The following UBAP1L variants were observed in gnomAD, a reference collection of about 807,000 sequenced individuals.
The protein encoded by UBAP1L is ubiquitin-associated protein 1-like.
A neutral mutation model predicts 32.1 loss-of-function variants in UBAP1L; 32 were observed. That is an observed-to-expected ratio of 1.00 (90% CI 0.75 to 1.34). The LOEUF (loss-of-function observed/expected upper bound fraction) is 1.34. Among genes scored for constraint, UBAP1L ranks in the 40% most tolerant of loss-of-function variants. The pLI is 0.00. For synonymous variants in UBAP1L, 243 were observed against 250.2 expected, an observed-to-expected ratio of 0.97 and a Z score of 0.27; for missense variants, 516 against 540.5, an observed-to-expected ratio of 0.95 and a Z score of 0.45.
chr15:65,106,305 G>T lies in UBAP1L; in HGVS notation c.-90C>A, dbSNP rs1413766650. On this transcript the variant is annotated 5_prime_UTR_variant, in exon 2 of 6. Transcript: ENST00000559089. The stretch of plus-strand genomic sequence containing the variant: ...GTCGAGTCCTGAGGACCAGGCTCAG[G>T]CCTCAAATGGCCTCACTGCTCTCCT... The T allele has an allele frequency of 3.8e-6, 5 of 1,328,846 alleles. No individual in the cohort carries two copies. In the African/African-American group the frequency reaches 7.2e-5, roughly 19 times the overall value. The allele number at this position is 1,328,846 out of a possible 1,614,324, so 82.3% of individuals were successfully genotyped here. A position where few individuals can be genotyped will look rare whatever the true frequency, so the allele number is the denominator to read the frequency against.
intron 4 of UBAP1L, chr15:65,099,195 C>A: frequency 2.9e-6 from 1 of 347,434 alleles, no homozygotes; most frequent in South Asian, 3.6e-5. Context: ...GGACTTACTG[C>A]CCCAGATGCT....
chr15:65,093,295 G>T, intron 5 of UBAP1L, 64 bp from the exon 6 acceptor site: 1 of 1,460,846 alleles, frequency 6.8e-7, no homozygotes. Flanking sequence ...GCCATGGGGA[G>T]CCCCAGCTCC....
intron 1 of UBAP1L, among the ~76,000 whole-genome samples, chr15:65,111,855 A>C (rs890136031): frequency 2.1e-5 from 3 of 140,910 alleles, no homozygotes; most frequent in African/African-American, 8.1e-5. Flanking sequence ...CAGTGGCGTG[A>C]TCTGGGCTCA....
chr15:65,113,337 T>TA, intron 1 of UBAP1L, among the ~76,000 whole-genome samples: 1 of 152,364 alleles, frequency 6.6e-6, no homozygotes, highest in African/African-American at 2.4e-5. Context: ...CCTCCCATCT[T>TA]ACTCCAGTCA....
chr15:65,102,049 G>T lies in UBAP1L; in HGVS notation c.699+57C>A, dbSNP rs775204094. ...GGCTGCGGGCTGGGCTGGACACCCA[G>T]ATTATGGGGCCTGGGCTGCTGATTG... On this transcript the variant is annotated intron_variant, in intron 3 of 5. Coordinates refer to ENST00000559089, the MANE Select transcript of UBAP1L (RefSeq NM_001163692.2). The surrounding 1 kb of genome is among the most constrained non-coding windows in gnomAD (Gnocchi z 5.0). 3 of 846,126 alleles carry T rather than the reference G, an allele frequency of 3.5e-6. No homozygotes were observed. The highest frequency in any genetic ancestry group is 4.7e-6 in the Non-Finnish European group (3 of 644,184). The allele number at this position is 846,126 out of a possible 1,614,324, so 52.4% of individuals were successfully genotyped here.
Position 65,106,192 on chromosome 15 carries a change from A to G in UBAP1L, c.24T>C (p.Pro8=), listed in dbSNP as rs2140568008. 6.5e-7 allele frequency: 1 copy of G among 1,548,886 alleles called. No homozygotes were observed. The highest frequency in any genetic ancestry group is 8.7e-7 in the Non-Finnish European group (1 of 1,146,300). Residue 8 remains proline, a synonymous_variant, in exon 2 of 6, where the codon CCT becomes CCC. Coordinates refer to ENST00000559089, the MANE Select transcript of UBAP1L (RefSeq NM_001163692.2). ...TCACAAAGCCCTTGGGCAACTTGAA[A>G]GGAACACCATCGAGGGCATTCATTC... The part of the protein sequence containing the change: MNALDGV[P]FKLPKGFVIG...
Position 65,094,693 on chromosome 15 carries a change from C to G in UBAP1L, c.910-117G>C, listed in dbSNP as rs1304523897. 2.6e-6 allele frequency: 2 copies of G among 765,494 alleles called. No individual in the cohort carries two copies. Among genetic ancestry groups the G allele is most frequent in the Non-Finnish European group, 4.5e-6 (2 of 444,826 alleles). The allele number at this position is 765,494 out of a possible 1,614,324, so 47.4% of individuals were successfully genotyped here. A position where few individuals can be genotyped will look rare whatever the true frequency, so the allele number is the denominator to read the frequency against. On this transcript the variant is annotated intron_variant, in intron 4 of 5. Coordinates refer to ENST00000559089, the MANE Select transcript of UBAP1L (RefSeq NM_001163692.2). This position sits in a 1 kb window ranked among gnomAD's most constrained non-coding sequence, Gnocchi z 4.2. The stretch of plus-strand genomic sequence containing the variant: ...AGGGCCAGGCAACAGGGCAAGCCAC[C>G]ACCTGCAGCGTGGCCCCAGAGAGCC...
chr15:65,099,715 C>T lies in UBAP1L; in HGVS notation c.700-1G>A, dbSNP rs1298712653. On this transcript the variant is annotated splice_acceptor_variant, in intron 3 of 5. Coordinates refer to ENST00000559089, the MANE Select transcript of UBAP1L (RefSeq NM_001163692.2). LOFTEE classifies it high-confidence loss of function. Reference sequence around the variant, plus strand: ...GCAGACAGGTGTACGGGCTGAGGGACTGAAATACAGACAGACTGGACATGT... The same window carrying T: ...GCAGACAGGTGTACGGGCTGAGGGATTGAAATACAGACAGACTGGACATGT... The T allele has an allele frequency of 6.5e-7, 1 of 1,546,148 alleles. No homozygotes were observed. Among genetic ancestry groups the T allele is most frequent in the Admixed American group, 2.0e-5 (1 of 50,780 alleles).
At chr15:65,105,024 A>AG (rs1566967910) in intron 2 of UBAP1L, 16 of 239,396 alleles carry the variant, frequency 6.7e-5, no homozygotes, top group South Asian at 2.3e-4. Flanking sequence ...AAAAAAAAAA[A>AG]AAAAGAAAAT....
Position 65,099,704 on chromosome 15 carries a change from G to A in UBAP1L, c.710C>T (p.Pro237Leu), listed in dbSNP as rs545763415. 8.4e-6 allele frequency: 13 copies of A among 1,548,226 alleles called. No individual in the cohort carries two copies. The highest frequency in any genetic ancestry group is 8.4e-5 in the South Asian group (7 of 83,832). ...CCCAAGAGGTGGCAGACAGGTGTAC[G>A]GGCTGAGGGACTGAAATACAGACAG... is the stretch of plus-strand genomic sequence containing the variant. ...SHKPTVASLSPYTCLPPLGGA... is the reference protein window; with the variant it reads ...SHKPTVASLSLYTCLPPLGGA... Residue 237 changes from proline (P) to leucine (L), a missense_variant, in exon 4 of 6, where the codon CCG (proline) becomes CTG (leucine). Transcript: ENST00000559089.
At chr15:65,099,887 C>A in intron 3 of UBAP1L, 173 bp from the exon 4 acceptor site, 3 of 569,730 alleles carry the variant, frequency 5.3e-6, no homozygotes, top group Non-Finnish European at 9.2e-6. Context: ...ACTCAGTATA[C>A]TCATATGAAA....
rs1334884289 is a variant in UBAP1L at position 65,106,143 on chromosome 15, G to C, written c.73C>G (p.Pro25Ala). 1 of 1,551,052 alleles carries C rather than the reference G, an allele frequency of 6.4e-7. No individual in the cohort carries two copies. The highest frequency in any genetic ancestry group is 2.4e-5 in the East Asian group (1 of 40,894). The change falls in exon 2 of 6, where the codon CCA becomes GCA. Residue 25 changes from proline (P) to alanine (A), a missense_variant. By Grantham distance (27) the Pro-to-Ala change is conservative. Transcript: ENST00000559089. The stretch of plus-strand genomic sequence containing the variant: ...CCGCAGGCCGGGACGCTGAGTTCTG[G>C]CCCAGGGAGAGGCTCTGTGCCTATC... ...FVIGTEPLPG[P>A]ELSVPACGEV... is the part of the protein sequence containing the mutation.
At chr15:65,111,369 A>G (rs1301877137) in intron 1 of UBAP1L, among the ~76,000 whole-genome samples, 1 of 152,210 alleles carries the variant, frequency 6.6e-6, no homozygotes, top group East Asian at 1.9e-4. Flanking sequence ...CTGTCCACTT[A>G]GCAGGTATAG....
Position 65,102,616 on chromosome 15 carries a change from G to T in UBAP1L, c.189C>A (p.Tyr63Ter). 1 of 1,549,576 alleles carries T rather than the reference G, an allele frequency of 6.5e-7. No individual in the cohort carries two copies. The highest frequency in any genetic ancestry group is 1.4e-5 in the African/African-American group (1 of 73,112). ...ACGCTGTCCCCGGGTCACCGCACTGGTACGGGCTGGGTCCCTGGCCGGCGG... is the reference window on the plus strand; with the variant it reads ...ACGCTGTCCCCGGGTCACCGCACTGTTACGGGCTGGGTCCCTGGCCGGCGG... ...VEAAGQGPSP[Y>*]QCGDPGTASA... Residue 63 changes from tyrosine to a stop codon, truncating the protein, a stop_gained, in exon 3 of 6, where the codon TAC (tyrosine) becomes TAA (stop). Coordinates refer to ENST00000559089, the MANE Select transcript of UBAP1L (RefSeq NM_001163692.2). LOFTEE classifies it high-confidence loss of function. This position sits in a 1 kb window ranked among gnomAD's most constrained non-coding sequence, Gnocchi z 5.0.
At chr15:65,101,845 C>G (rs555410701) in intron 3 of UBAP1L, among the ~76,000 whole-genome samples, 17 of 152,286 alleles carry the variant, frequency 1.1e-4, no homozygotes, top group African/African-American at 4.1e-4. Flanking sequence ...TAATTAAAAC[C>G]ACTGTGACCT....
Position 65,094,021 on chromosome 15 carries a change from T to A in UBAP1L, c.1011+454A>T, listed in dbSNP as rs771864625. ...AAGATCGTGCCATTGCACTCCAGCC[T>A]GGGCAATAGAGTGAGACTCAGTCTC... On this transcript the variant is annotated intron_variant, in intron 5 of 5. Coordinates refer to ENST00000559089, the MANE Select transcript of UBAP1L (RefSeq NM_001163692.2). This position sits in a 1 kb window ranked among gnomAD's most constrained non-coding sequence, Gnocchi z 4.2. 1.4e-4 allele frequency among the ~76,000 whole-genome samples: 21 copies of A among 152,220 alleles called. No homozygotes were observed. The highest frequency in any genetic ancestry group is 2.2e-4 in the Non-Finnish European group (15 of 68,032).
chr15:65,100,980 G>T (rs575933668), intron 3 of UBAP1L: 1 of 152,264 alleles, frequency 6.6e-6, no homozygotes, highest in East Asian at 1.9e-4. Flanking sequence ...ATCTGGTCTT[G>T]GATGTGGGCA....
chr15:65,108,892 C>T (rs2087346439), intron 1 of UBAP1L, among the ~76,000 whole-genome samples: 1 of 152,148 alleles, frequency 6.6e-6, no homozygotes, highest in African/African-American at 2.4e-5. Context: ...TGCAGTGGCT[C>T]ACACCTGTAA....
At chr15:65,105,225 A>C (rs2087295128) in intron 2 of UBAP1L, among the ~76,000 whole-genome samples, 1 of 152,076 alleles carries the variant, frequency 6.6e-6, no homozygotes, top group African/African-American at 2.4e-5. Context: ...TTGTAATTGC[A>C]GCACTTAGGG....
Sources: gnomAD v4.1 joint callset for allele counts (sites outside exome capture counted in the v4.1 genomes callset) on GRCh38, gnomAD v4.1.1 for gene constraint, Gnocchi (gnomAD v3.1) non-coding constraint, MANE v1.5 for transcripts, NCBI Gene and HGNC (gene_info 2026-07-23, HGNC 2026-07-21) for gene names.